Variants in PCDH11X observed in about 807,000 individuals in gnomAD.
The protein encoded by PCDH11X is protocadherin-11 X-linked.
In PCDH11X, 18 loss-of-function variants were observed where a neutral mutation model predicts 53.3. The observed-to-expected ratio is 0.34, with a 90% CI of 0.23 to 0.50. PCDH11X has a LOEUF of 0.50. PCDH11X is among the 20% of genes least tolerant of loss of function. The probability of loss-of-function intolerance (pLI) is 0.98; values close to 1 mark genes in which losing one functional copy is unlikely to be tolerated. For missense variants in PCDH11X, 570 were observed against 1,032.4 expected, an observed-to-expected ratio of 0.55 and a Z score of 6.14; for synonymous variants, 279 against 393.3, an observed-to-expected ratio of 0.71 and a Z score of 3.44.
intron 6 of PCDH11X, among the ~76,000 whole-genome samples, chrX:92,083,749 T>C (rs1412628245): frequency 1.8e-5 from 2 of 111,012 alleles, no homozygotes; most frequent in African/African-American, 6.5e-5. Context: ...TTGTTTTACT[T>C]AATGAATAAT....
At chrX:91,822,363 G>A (rs1324389495) in intron 4 of PCDH11X, among the ~76,000 whole-genome samples, 5 of 106,846 alleles carry the variant, frequency 4.7e-5, no homozygotes, top group Admixed American at 4.0e-4. Context: ...CCTGTTATTG[G>A]TCTATTCAGA....
intron 5 of PCDH11X, among the ~76,000 whole-genome samples, chrX:91,863,433 T>G (rs1188383684): frequency 8.9e-6 from 1 of 111,982 alleles, no homozygotes; most frequent in Non-Finnish European, 1.9e-5. Context: ...CTCTTTTTTG[T>G]TTTCCATTGG....
chrX:92,358,713 A>G (rs1178168733), intron 8 of PCDH11X, among the ~76,000 whole-genome samples: 1 of 102,586 alleles, frequency 9.7e-6, no homozygotes, highest in African/African-American at 3.5e-5. Flanking sequence ...ATGCTCACAG[A>G]TAGAGACAAA....
chrX:91,951,783 G>C (rs1024203886), intron 6 of PCDH11X, among the ~76,000 whole-genome samples: 4 of 111,102 alleles, frequency 3.6e-5, no homozygotes, highest in African/African-American at 1.3e-4. Context: ...TGATCCTTAG[G>C]TAAGGATTTG....
chrX:92,110,991 T>A (rs2064491303), intron 6 of PCDH11X, among the ~76,000 whole-genome samples: 1 of 108,595 alleles, frequency 9.2e-6, no homozygotes, highest in Admixed American at 1.0e-4. Context: ...GTAAATGCAG[T>A]CAACATCTGG....
intron 9 of PCDH11X, among the ~76,000 whole-genome samples, chrX:92,412,509 GTATATATATATA>G (rs748836273): frequency 0.022 from 1,406 of 64,402 alleles, 23 homozygotes; most frequent in African/African-American, 0.047. Context: ...AAAGAAAATA[GTATATATATATA>G]TATATATATA....
At chrX:91,822,761 A>T (rs1936742197) in intron 4 of PCDH11X, among the ~76,000 whole-genome samples, 1 of 110,869 alleles carries the variant, frequency 9.0e-6, no homozygotes, top group African/African-American at 3.3e-5. Context: ...TTTAATTATG[A>T]TACTAGGGTG....
At position 91,981,103 on chromosome X, in the gene PCDH11X, A is replaced by C. The variant is rs185334234; in HGVS notation, c.3033+101830A>C. Reference sequence around the variant, plus strand: ...AATATATATATACACTGAATATATAAATATATATATATATAGTGAGCAAGA... The same window carrying C: ...AATATATATATACACTGAATATATACATATATATATATATAGTGAGCAAGA... On this transcript the variant is annotated intron_variant, in intron 6 of 10. Coordinates refer to ENST00000682573, the MANE Select transcript of PCDH11X (RefSeq NM_032968.5). 7.6e-3 allele frequency among the ~76,000 whole-genome samples: 770 copies of C among 101,887 alleles called. 5 individuals are homozygous for C. Among genetic ancestry groups the C allele is most frequent in the African/African-American group, 0.026 (730 of 28,227 alleles). The allele number at this position is 101,887 out of a possible 115,157, so 88.5% of individuals were successfully genotyped here.
chrX:92,615,515 CAG>C (rs1451361873), intron 10 of PCDH11X, among the ~76,000 whole-genome samples: 1 of 111,764 alleles, frequency 8.9e-6, no homozygotes, highest in Non-Finnish European at 1.9e-5. Flanking sequence ...AGGGCTTCAA[CAG>C]GGGAGTGTAA....
chrX:92,444,646 T>A (rs1416242417), intron 9 of PCDH11X, among the ~76,000 whole-genome samples: 6 of 105,170 alleles, frequency 5.7e-5, no homozygotes, highest in African/African-American at 2.1e-4. Context: ...CCAGCTTTTG[T>A]CCATTTAATA....
At chrX:92,443,995 T>C (rs1365777661) in intron 9 of PCDH11X, among the ~76,000 whole-genome samples, 21 of 111,007 alleles carry the variant, frequency 1.9e-4, no homozygotes, top group Non-Finnish European at 3.8e-4. Flanking sequence ...TAGCTTAACA[T>C]AGCTTTTGCT....
intron 10 of PCDH11X, among the ~76,000 whole-genome samples, chrX:92,512,916 C>T (rs1257654591): frequency 9.0e-6 from 1 of 110,677 alleles, no homozygotes; most frequent in East Asian, 2.9e-4. Context: ...ATATTAGTAC[C>T]TACCTCATGG....
chrX:91,781,196 A>C (rs1027332458), intron 1 of PCDH11X, among the ~76,000 whole-genome samples: 3 of 112,320 alleles, frequency 2.7e-5, no homozygotes, highest in Non-Finnish European at 5.6e-5. Context: ...AAAATTTTTA[A>C]AGTGTCCTTT....
intron 6 of PCDH11X, among the ~76,000 whole-genome samples, chrX:92,175,152 T>C (rs1288294791): frequency 9.0e-6 from 1 of 110,892 alleles, no homozygotes; most frequent in African/African-American, 3.3e-5. Context: ...ATTTTTTGTA[T>C]TTTTGGTAGA....
At chrX:92,505,937 T>C (rs2074048728) in intron 10 of PCDH11X, among the ~76,000 whole-genome samples, 1 of 110,953 alleles carries the variant, frequency 9.0e-6, no homozygotes, top group South Asian at 3.8e-4. Context: ...GTGAATGTTA[T>C]TGCATTCTTG....
intron 6 of PCDH11X, among the ~76,000 whole-genome samples, chrX:92,149,983 CATTT>C (rs1285954608): frequency 2.7e-5 from 3 of 111,743 alleles, no homozygotes; most frequent in South Asian, 3.7e-4. Flanking sequence ...CAACACAGTT[CATTT>C]ATTCATTCAT....
rs372537051 is a variant in PCDH11X, at chrX:92,181,074, C to G, written c.3034-20301C>G. On this transcript the variant is annotated intron_variant, in intron 6 of 10. Transcript: ENST00000682573. ...CAAGAAAATGTGGAAAACTTTGGAACTTTCTAGAGACTTGTTGAATGGCGT... is the reference window on the plus strand; with the variant it reads ...CAAGAAAATGTGGAAAACTTTGGAAGTTTCTAGAGACTTGTTGAATGGCGT... Among the ~76,000 whole-genome samples, 33 of 111,195 alleles carry G rather than the reference C, an allele frequency of 3.0e-4. 1 individual carries two copies. The highest frequency in any genetic ancestry group is 1.8e-3 in the Admixed American group (19 of 10,363).
intron 6 of PCDH11X, among the ~76,000 whole-genome samples, chrX:91,895,246 G>T (rs1016344511): frequency 7.2e-5 from 8 of 111,512 alleles, no homozygotes; most frequent in African/African-American, 2.6e-4. Context: ...ACTGTGTGGA[G>T]AGTAAAGTTT....
chrX:92,150,612 G>A (rs1268952218), intron 6 of PCDH11X, among the ~76,000 whole-genome samples: 1 of 110,305 alleles, frequency 9.1e-6, no homozygotes. Context: ...TTTTAAGATT[G>A]GATTTTCAGT....
Sources: gnomAD v4.1 joint callset for allele counts (sites outside exome capture counted in the v4.1 genomes callset) on GRCh38, gnomAD v4.1.1 for gene constraint, MANE v1.5 for transcripts, NCBI Gene and HGNC (gene_info 2026-07-23, HGNC 2026-07-21) for gene names.